BLVRA: variants seen among roughly 807,000 people sequenced by gnomAD.
BLVRA encodes the protein BVR A.
Under a neutral mutation model 32.8 loss-of-function variants are expected in BLVRA, and 22 were observed. The observed-to-expected ratio is 0.67, with a 90% CI of 0.48 to 0.96. BLVRA has a LOEUF of 0.96. BLVRA is among the 40% of genes least tolerant of loss of function. The probability of loss-of-function intolerance (pLI) is 0.00; values close to 1 mark genes in which losing one functional copy is unlikely to be tolerated. For missense variants in BLVRA, 323 were observed against 358.1 expected, an observed-to-expected ratio of 0.90 and a Z score of 0.79; for synonymous variants, 119 against 141.3, an observed-to-expected ratio of 0.84 and a Z score of 1.12.
At chr7:43,761,172 A>G (rs1427878995) in intron 1 of BLVRA, among the ~76,000 whole-genome samples, 4 of 152,272 alleles carry the variant, frequency 2.6e-5, no homozygotes, top group Non-Finnish European at 4.4e-5. Context: ...ACAGTGACAT[A>G]TATACACACT....
At chr7:43,770,892 G>C (rs1163308085) in intron 1 of BLVRA, among the ~76,000 whole-genome samples, 1 of 152,206 alleles carries the variant, frequency 6.6e-6, no homozygotes, top group East Asian at 1.9e-4. Flanking sequence ...ATCTGGGCTT[G>C]GAAATGCCCT....
chr7:43,786,515 A>G (rs1457559574), intron 2 of BLVRA, among the ~76,000 whole-genome samples: 1 of 152,250 alleles, frequency 6.6e-6, no homozygotes, highest in African/African-American at 2.4e-5. Flanking sequence ...GACCTGAACA[A>G]CACAATCAAC....
intron 1 of BLVRA, chr7:43,767,261 C>A: frequency 2.3e-6 from 2 of 865,656 alleles, no homozygotes; most frequent in South Asian, 1.4e-5. Flanking sequence ...TAGCCTGCCA[C>A]CGAGCACCTG....
chr7:43,801,149 G>A (rs773510685), intron 6 of BLVRA, among the ~76,000 whole-genome samples: 4 of 152,020 alleles, frequency 2.6e-5, no homozygotes, highest in Non-Finnish European at 5.9e-5. Flanking sequence ...ACAGATGTGC[G>A]CCACAATACC....
chr7:43,770,551 T>C (rs897955358), intron 1 of BLVRA, among the ~76,000 whole-genome samples: 5 of 152,092 alleles, frequency 3.3e-5, no homozygotes, highest in Non-Finnish European at 7.4e-5. Flanking sequence ...TAAGCCGTGT[T>C]GTTGCTTTCT....
chr7:43,792,948 C>A, intron 5 of BLVRA, 136 bp downstream of exon 5: 2 of 837,132 alleles, frequency 2.4e-6, no homozygotes. Context: ...TGCCTCCTCA[C>A]CCCCACACTG....
chr7:43,770,637 C>T (rs1274595492), intron 1 of BLVRA, among the ~76,000 whole-genome samples: 2 of 152,142 alleles, frequency 1.3e-5, no homozygotes, highest in Admixed American at 6.5e-5. Flanking sequence ...CACCTGTTTG[C>T]CCCCTCCTTC....
intron 2 of BLVRA, among the ~76,000 whole-genome samples, chr7:43,778,506 C>T (rs1052305829): frequency 2.0e-5 from 3 of 152,186 alleles, no homozygotes; most frequent in African/African-American, 4.8e-5. Flanking sequence ...GCTGCCTGAT[C>T]GGTCCTCTGG....
chr7:43,805,092 A>G (rs910830174), intron 7 of BLVRA, among the ~76,000 whole-genome samples: 1 of 152,132 alleles, frequency 6.6e-6, no homozygotes, highest in Non-Finnish European at 1.5e-5. Flanking sequence ...AGACCTATAC[A>G]CAGACAGTTG....
intron 2 of BLVRA, among the ~76,000 whole-genome samples, chr7:43,771,894 CCTAAG>C (rs2095755084): frequency 6.6e-6 from 1 of 152,220 alleles, no homozygotes; most frequent in South Asian, 2.1e-4. Flanking sequence ...CATCCCTCTC[CCTAAG>C]CTCTGTCCTC....
At chr7:43,766,338 A>T (rs2095747922) in intron 1 of BLVRA, among the ~76,000 whole-genome samples, 1 of 151,858 alleles carries the variant, frequency 6.6e-6, no homozygotes, top group South Asian at 2.1e-4. Flanking sequence ...ATAAAAATGT[A>T]TCTATTTAAT....
At chr7:43,766,006 G>A (rs920614305) in intron 1 of BLVRA, among the ~76,000 whole-genome samples, 4 of 152,180 alleles carry the variant, frequency 2.6e-5, no homozygotes, top group Non-Finnish European at 5.9e-5. Context: ...GAAAAGTTAA[G>A]GCAAGGCGTG....
chr7:43,803,600 ACCCCCACCC>A, intron 6 of BLVRA, 67 bp from the exon 7 acceptor site: 1 of 478,310 alleles, frequency 2.1e-6, no homozygotes, highest in Non-Finnish European at 3.9e-6. Flanking sequence ...CACCCCCGCC[ACCCCCACCC>A]CCCTGTCCTG....
rs990369489 is a variant in BLVRA at position 43,760,993 on chromosome 7, T to C, written c.-22+2259T>C. On this transcript the variant is annotated intron_variant, in intron 1 of 7. Coordinates refer to ENST00000265523, the MANE Select transcript of BLVRA (RefSeq NM_000712.4). ...CATGTTGGCTAGGTTGGTCTCGAACTCCTGACCTCAAGTAATCCACCCACC... is the reference window on the plus strand; with the variant it reads ...CATGTTGGCTAGGTTGGTCTCGAACCCCTGACCTCAAGTAATCCACCCACC... Among the ~76,000 whole-genome samples, 3 of 152,168 alleles carry C rather than the reference T, an allele frequency of 2.0e-5. No individual in the cohort carries two copies. In the South Asian group the frequency reaches 6.2e-4, roughly 32 times the overall value.
At position 43,803,785 on chromosome 7, in the gene BLVRA, G is replaced by A. The variant is rs1384189101; in HGVS notation, c.570G>A (p.Leu190=). 1.2e-6 allele frequency: 2 copies of A among 1,613,988 alleles called. No homozygotes were observed. The highest frequency in any genetic ancestry group is 1.7e-6 in the Non-Finnish European group (2 of 1,180,002). Residue 190 remains leucine (L), a synonymous_variant, in exon 7 of 8, where the codon TTG becomes TTA. Coordinates refer to ENST00000265523, the MANE Select transcript of BLVRA (RefSeq NM_000712.4). The part of the protein sequence containing the change: ...FGELSLVSAT[L]EERKEDQYMK... ...AGCTTTCTCTTGTGTCTGCCACTTT[G>A]GAAGAGCGAAAGGAAGATCAGTATA...
chr7:43,793,404 T>A (rs945292267), intron 5 of BLVRA, among the ~76,000 whole-genome samples: 5 of 152,118 alleles, frequency 3.3e-5, no homozygotes, highest in Admixed American at 3.3e-4. Context: ...GACTACTAAG[T>A]GGGAGGTAGA....
chr7:43,767,119 CGTTT>C (rs779801734), intron 1 of BLVRA, among the ~76,000 whole-genome samples: 3 of 152,282 alleles, frequency 2.0e-5, no homozygotes, highest in East Asian at 1.9e-4. Flanking sequence ...CACATCCTTT[CGTTT>C]GTTTGTTTTC....
At chr7:43,775,547 T>G (rs1421453185) in intron 2 of BLVRA, among the ~76,000 whole-genome samples, 1 of 152,220 alleles carries the variant, frequency 6.6e-6, no homozygotes, top group Non-Finnish European at 1.5e-5. Flanking sequence ...TTTGCCAGTA[T>G]TTTATTGAGG....
chr7:43,764,809 A>T (rs1263196740), intron 1 of BLVRA, among the ~76,000 whole-genome samples: 1 of 105,488 alleles, frequency 9.5e-6, no homozygotes, highest in African/African-American at 2.8e-5. Context: ...TTAAAGTGAT[A>T]TGTTAGCACA....
Sources: allele counts gnomAD v4.1 joint callset (sites outside exome capture counted in the v4.1 genomes callset), GRCh38; gene constraint gnomAD v4.1.1; transcripts MANE v1.5; gene names NCBI Gene and HGNC (gene_info 2026-07-23, HGNC 2026-07-21).